The following PCDH7 variants were observed in gnomAD, a reference collection of about 807,000 sequenced individuals.
The protein encoded by PCDH7 is protocadherin-7.
In PCDH7, 17 loss-of-function variants were observed where a neutral mutation model predicts 58.9. The ratio of observed to expected loss-of-function variants is 0.29; its 90% CI spans 0.20 to 0.43. The LOEUF is 0.43. Ranked by LOEUF, PCDH7 falls within the 20% of genes least tolerant of loss-of-function variation. PCDH7 has a pLI of 1.00. For synonymous variants in PCDH7, 664 were observed against 616.4 expected (o/e 1.08, Z -1.14); for missense variants, 1,274 against 1,441.0 (o/e 0.88, Z 1.88).
chr4:30,873,805 T>G (rs1262777383), intron 1 of PCDH7, among the ~76,000 whole-genome samples: 2 of 152,056 alleles, frequency 1.3e-5, no homozygotes, highest in Non-Finnish European at 2.9e-5. Flanking sequence ...TTTGTGGGTT[T>G]GTTGCTTAAT....
intron 1 of PCDH7, among the ~76,000 whole-genome samples, chr4:30,816,169 T>C (rs1337030635): frequency 6.6e-6 from 1 of 152,190 alleles, no homozygotes; most frequent in Admixed American, 6.5e-5. Context: ...GTAATATATC[T>C]AGTTAAATTA....
chr4:30,972,386 A>G (rs1262648523), intron 3 of PCDH7, among the ~76,000 whole-genome samples: 2 of 152,100 alleles, frequency 1.3e-5, no homozygotes, highest in Non-Finnish European at 2.9e-5. Context: ...AGGATTTTCC[A>G]ATTCTAAGTC....
At chr4:30,847,928 T>C (rs1732197964) in intron 1 of PCDH7, among the ~76,000 whole-genome samples, 1 of 152,120 alleles carries the variant, frequency 6.6e-6, no homozygotes, top group Non-Finnish European at 1.5e-5. Flanking sequence ...CGAATAAAGG[T>C]AGACTATTAA....
At chr4:31,090,808 T>A (rs1006149574) in intron 3 of PCDH7, among the ~76,000 whole-genome samples, 3 of 152,092 alleles carry the variant, frequency 2.0e-5, no homozygotes, top group Non-Finnish European at 4.4e-5. Flanking sequence ...TTCTAAAATG[T>A]ATTGACTAAT....
At chr4:30,824,939 A>G (rs959551643) in intron 1 of PCDH7, among the ~76,000 whole-genome samples, 3 of 152,124 alleles carry the variant, frequency 2.0e-5, no homozygotes, top group African/African-American at 7.2e-5. Flanking sequence ...CTTAGGAGAC[A>G]GAGGATGAAT....
intron 1 of PCDH7, among the ~76,000 whole-genome samples, chr4:30,876,936 T>C (rs1053753674): frequency 6.6e-6 from 1 of 151,970 alleles, no homozygotes; most frequent in African/African-American, 2.4e-5. Context: ...CCCCGGTGTG[T>C]GATGTTCCCC....
At chr4:30,764,446 GTTTATCA>G (rs141008555) in intron 1 of PCDH7, among the ~76,000 whole-genome samples, 3 of 152,154 alleles carry the variant, frequency 2.0e-5, no homozygotes, top group Non-Finnish European at 2.9e-5. Flanking sequence ...TTTATAAACT[GTTTATCA>G]TTTATCATTT....
intron 1 of PCDH7, among the ~76,000 whole-genome samples, chr4:30,780,189 T>G (rs1290292693): frequency 6.6e-6 from 1 of 152,126 alleles, no homozygotes; most frequent in African/African-American, 2.4e-5. Context: ...CTTCCCTGAT[T>G]CAGAAAGGGT....
intron 3 of PCDH7, among the ~76,000 whole-genome samples, chr4:31,127,929 G>A (rs566439224): frequency 1.3e-5 from 2 of 151,720 alleles, no homozygotes; most frequent in South Asian, 4.2e-4. Flanking sequence ...AGGCTTTCAA[G>A]CTTTTTCAGT....
chr4:31,031,778 A>G (rs901800546), intron 3 of PCDH7, among the ~76,000 whole-genome samples: 1 of 152,228 alleles, frequency 6.6e-6, no homozygotes, highest in Non-Finnish European at 1.5e-5. Flanking sequence ...AACTCTTTAG[A>G]AGAATATTCC....
At chr4:31,112,040 G>A (rs1716383694) in intron 3 of PCDH7, among the ~76,000 whole-genome samples, 1 of 152,142 alleles carries the variant, frequency 6.6e-6, no homozygotes, top group Non-Finnish European at 1.5e-5. Context: ...TTCTATAAAT[G>A]TGTTATTGTA....
At chr4:30,845,024 A>C (rs1731732571) in intron 1 of PCDH7, among the ~76,000 whole-genome samples, 1 of 152,148 alleles carries the variant, frequency 6.6e-6, no homozygotes, top group Non-Finnish European at 1.5e-5. Flanking sequence ...CTGACACCAA[A>C]ACCACTAATC....
intron 2 of PCDH7, among the ~76,000 whole-genome samples, chr4:30,943,653 A>G (rs1746322871): frequency 6.6e-6 from 1 of 152,044 alleles, no homozygotes; most frequent in South Asian, 2.1e-4. Flanking sequence ...CTCGTGGCCC[A>G]GGATGACTTT....
At chr4:30,974,406 A>G (rs1749885752) in intron 3 of PCDH7, among the ~76,000 whole-genome samples, 1 of 151,850 alleles carries the variant, frequency 6.6e-6, no homozygotes, top group Admixed American at 6.6e-5. Flanking sequence ...CTCTTTTTAA[A>G]TTTAGGTGTG....
chr4:31,052,976 T>TATC (rs1756878465), intron 3 of PCDH7, among the ~76,000 whole-genome samples: 1 of 152,188 alleles, frequency 6.6e-6, no homozygotes. Flanking sequence ...GTGTGACTGC[T>TATC]ATCTATTCGT....
intron 1 of PCDH7, among the ~76,000 whole-genome samples, chr4:30,894,558 C>CACAT (rs1448600974): frequency 1.7e-4 from 16 of 96,334 alleles, no homozygotes; most frequent in Admixed American, 3.8e-4. Context: ...CACACACACA[C>CACAT]ATATATACAT....
At chr4:30,726,030 T>C (rs1458328603) in intron 1 of PCDH7, among the ~76,000 whole-genome samples, 4 of 152,018 alleles carry the variant, frequency 2.6e-5, no homozygotes, top group Admixed American at 6.5e-5. Flanking sequence ...TGTCCTTTGG[T>C]GTATGTGAAT....
intron 3 of PCDH7, among the ~76,000 whole-genome samples, chr4:31,080,238 TC>T (rs747726365): frequency 6.6e-6 from 1 of 152,002 alleles, no homozygotes; most frequent in South Asian, 2.1e-4. Context: ...TTTGCTTCTT[TC>T]CCCCTACAAA....
chr4:30,812,389 T>C (rs1204780241), intron 1 of PCDH7, among the ~76,000 whole-genome samples: 1 of 152,208 alleles, frequency 6.6e-6, no homozygotes, highest in Non-Finnish European at 1.5e-5. Flanking sequence ...TGAAAAATAA[T>C]GTAACATTTT....
Sources: gnomAD v4.1 joint callset for allele counts (sites outside exome capture counted in the v4.1 genomes callset) on GRCh38, gnomAD v4.1.1 for gene constraint, MANE v1.5 for transcripts, NCBI Gene and HGNC (gene_info 2026-07-23, HGNC 2026-07-21) for gene names.